The following DOCK1 variants were observed in gnomAD, a reference collection of about 807,000 sequenced individuals.
DOCK1 encodes the protein dedicator of cytokinesis protein 1.
In DOCK1, 138 loss-of-function variants were observed where a neutral mutation model predicts 262.7. The ratio of observed to expected loss-of-function variants is 0.53; its 90% CI spans 0.46 to 0.61. The LOEUF is 0.61. Among genes scored for constraint, DOCK1 ranks in the 20% least tolerant of loss-of-function variants. DOCK1 has a pLI of 0.00. For missense variants in DOCK1, 1,908 were observed against 2,370.7 expected (o/e 0.80, Z 4.05); for synonymous variants, 866 against 867.4 (o/e 1.00, Z 0.03).
chr10:127,229,530 C>A (rs772306865), intron 27 of DOCK1, among the ~76,000 whole-genome samples: 20 of 152,142 alleles, frequency 1.3e-4, no homozygotes, highest in Admixed American at 2.6e-4. Flanking sequence ...ATAATGCCCT[C>A]CAGGTCCATC....
At chr10:126,955,377 T>C (rs1261802547) in intron 1 of DOCK1, among the ~76,000 whole-genome samples, 1 of 152,236 alleles carries the variant, frequency 6.6e-6, no homozygotes, top group Non-Finnish European at 1.5e-5. Context: ...CCGCTCACCT[T>C]GGCCTCCCAA....
At chr10:127,004,021 G>A (rs538223072) in intron 10 of DOCK1, among the ~76,000 whole-genome samples, 5 of 152,098 alleles carry the variant, frequency 3.3e-5, no homozygotes, top group African/African-American at 7.2e-5. Flanking sequence ...TTAGGAGGCC[G>A]AGGCAGGCAG....
At chr10:126,999,800 C>T (rs188943873) in intron 9 of DOCK1, among the ~76,000 whole-genome samples, 26 of 152,228 alleles carry the variant, frequency 1.7e-4, no homozygotes, top group Admixed American at 1.4e-3. Flanking sequence ...CCTCAGCTCC[C>T]GAGTAGCTGG....
At chr10:126,970,151 A>C (rs1485752454) in intron 1 of DOCK1, among the ~76,000 whole-genome samples, 1 of 152,122 alleles carries the variant, frequency 6.6e-6, no homozygotes, top group African/African-American at 2.4e-5. Context: ...GGGCTTATGT[A>C]GGAGCACTAT....
chr10:127,234,843 C>T (rs1441566959), intron 27 of DOCK1, among the ~76,000 whole-genome samples: 4 of 151,160 alleles, frequency 2.6e-5, no homozygotes, highest in African/African-American at 9.7e-5. Context: ...TCAAATACAA[C>T]ATTAATTACA....
At chr10:127,313,328 G>A (rs758652153) in intron 29 of DOCK1, among the ~76,000 whole-genome samples, 1 of 152,160 alleles carries the variant, frequency 6.6e-6, no homozygotes, top group African/African-American at 2.4e-5. Context: ...CCCAGGACAA[G>A]CTCACGAGTA....
rs114148336 is a variant in DOCK1 at position 127,447,698 on chromosome 10, A to G, written c.5565+153A>G. 6.9e-3 allele frequency among the ~76,000 whole-genome samples: 1,055 copies of G among 152,294 alleles called. 13 individuals are homozygous for G. The highest frequency in any genetic ancestry group is 0.024 in the African/African-American group (992 of 41,556). The stretch of plus-strand genomic sequence containing the variant: ...GGCCCGGGTTTGATTTTGCAAAAAG[A>G]TATCGAAGCAGTAAGGACTCCAGTG... On this transcript the variant is annotated intron_variant, in intron 51 of 51. Coordinates refer to ENST00000623213, the MANE Select transcript of DOCK1 (RefSeq NM_001290223.2).
intron 38 of DOCK1, 127 bp downstream of exon 38, chr10:127,385,036 T>C (rs2066029989): frequency 8.3e-7 from 1 of 1,211,864 alleles, no homozygotes; most frequent in African/African-American, 1.6e-5. Flanking sequence ...TATATTGAAA[T>C]GTTTTATGCA....
In DOCK1 at chr10:127,023,861, A is replaced by C. The variant is rs184990242; in HGVS notation, c.1452+537A>C. 3.9e-5 allele frequency among the ~76,000 whole-genome samples: 6 copies of C among 152,242 alleles called. No homozygotes were observed. In the East Asian group the frequency reaches 1.2e-3, roughly 30 times the overall value. On this transcript the variant is annotated intron_variant, in intron 14 of 51. Coordinates refer to ENST00000623213, the MANE Select transcript of DOCK1 (RefSeq NM_001290223.2). ...GTACAGATACCATTGTTACGATTTG[A>C]GAGATGAAGAAAAATGAAGGCCCTA... is the stretch of plus-strand genomic sequence containing the variant.
intron 3 of DOCK1, among the ~76,000 whole-genome samples, chr10:126,978,813 G>A (rs916828708): frequency 1.4e-4 from 22 of 152,228 alleles, no homozygotes; most frequent in Admixed American, 1.2e-3. Flanking sequence ...CTGGATTGTG[G>A]TCCTGAGCCT....
Position 127,018,789 on chromosome 10 carries a change from C to T in DOCK1, c.1281C>T (p.Thr427=). ...RKEFPHLVDR[T]TAVARKTGFP... is the part of the protein sequence containing the mutation. ...AGTTTCCGCATTTAGTGGACAGGAC[C>T]ACAGCTGTGGCTCGAAAAACAGGGT... Residue 427 remains threonine, a synonymous_variant, in exon 13 of 52, where the codon ACC becomes ACT. Coordinates refer to ENST00000623213, the MANE Select transcript of DOCK1 (RefSeq NM_001290223.2). 6.2e-7 allele frequency: 1 copy of T among 1,613,946 alleles called. No individual in the cohort carries two copies. The highest frequency in any genetic ancestry group is 8.5e-7 in the Non-Finnish European group (1 of 1,179,884).
chr10:127,343,843 G>T lies in DOCK1; in HGVS notation c.3224+97G>T, dbSNP rs548476741. 51 of 1,010,972 alleles carry T rather than the reference G, an allele frequency of 5.0e-5. No homozygotes were observed. The African/African-American group carries it at 6.3e-4, about 13-fold the overall frequency. 62.6% of individuals were successfully genotyped at this position (1,010,972 alleles called of 1,614,324 possible). On this transcript the variant is annotated intron_variant, in intron 31 of 51. Coordinates refer to ENST00000623213, the MANE Select transcript of DOCK1 (RefSeq NM_001290223.2). Reference sequence around the variant, plus strand: ...TCTAAGCCAACTTGATACAAATTGAGATGTAATCACGGTGTAATGAAAGGG... The same window carrying T: ...TCTAAGCCAACTTGATACAAATTGATATGTAATCACGGTGTAATGAAAGGG...
intron 29 of DOCK1, among the ~76,000 whole-genome samples, chr10:127,279,897 A>G (rs1213607166): frequency 6.6e-6 from 1 of 151,902 alleles, no homozygotes; most frequent in Non-Finnish European, 1.5e-5. Context: ...TTTTCTTAGT[A>G]TCGCCATGTA....
chr10:127,042,021 A>G (rs1225288438), intron 19 of DOCK1, among the ~76,000 whole-genome samples: 1 of 152,158 alleles, frequency 6.6e-6, no homozygotes, highest in Non-Finnish European at 1.5e-5. Context: ...TACATGTATG[A>G]TGCTTTGTCC....
intron 5 of DOCK1, among the ~76,000 whole-genome samples, chr10:126,989,633 G>C (rs1194800560): frequency 1.3e-5 from 2 of 152,162 alleles, no homozygotes; most frequent in South Asian, 2.1e-4. Flanking sequence ...AGCATGCTTA[G>C]AGTTTTATCA....
chr10:127,127,422 T>C (rs2050031350), intron 26 of DOCK1, among the ~76,000 whole-genome samples: 1 of 152,262 alleles, frequency 6.6e-6, no homozygotes, highest in Non-Finnish European at 1.5e-5. Flanking sequence ...TCTTTTATTT[T>C]TAAGGTTTGC....
intron 48 of DOCK1, among the ~76,000 whole-genome samples, chr10:127,433,830 T>C (rs1161760981): frequency 6.6e-6 from 1 of 151,784 alleles, no homozygotes; most frequent in East Asian, 1.9e-4. Flanking sequence ...GTTTTTGTGA[T>C]TTCTTCTTTT....
intron 1 of DOCK1, among the ~76,000 whole-genome samples, chr10:126,927,176 T>C (rs2033804488): frequency 6.6e-6 from 1 of 152,104 alleles, no homozygotes; most frequent in Admixed American, 6.6e-5. Flanking sequence ...GCCTAGAGAG[T>C]GCGGTGGTGA....
At chr10:127,116,715 C>T (rs73378451) in intron 25 of DOCK1, among the ~76,000 whole-genome samples, 1 of 152,052 alleles carries the variant, frequency 6.6e-6, no homozygotes, top group Non-Finnish European at 1.5e-5. Context: ...CGAAAGGGAT[C>T]TTAAACCTGG....
Sources: allele counts gnomAD v4.1 joint callset (sites outside exome capture counted in the v4.1 genomes callset), GRCh38; gene constraint gnomAD v4.1.1; transcripts MANE v1.5; gene names NCBI Gene and HGNC (gene_info 2026-07-23, HGNC 2026-07-21).